SH3RF3: variants seen among roughly 807,000 people sequenced by gnomAD.
The protein encoded by SH3RF3 is E3 ubiquitin-protein ligase SH3RF3.
Under a neutral mutation model 66.3 loss-of-function variants are expected in SH3RF3, and 29 were observed. That is an observed-to-expected ratio of 0.44 (90% CI 0.33 to 0.60). The LOEUF is 0.60. Ranked by LOEUF, SH3RF3 falls within the 20% of genes least tolerant of loss-of-function variation. The probability of loss-of-function intolerance (pLI) is 0.04; values close to 1 mark genes in which losing one functional copy is unlikely to be tolerated. For missense variants in SH3RF3, 1,194 were observed against 1,190.9 expected, an observed-to-expected ratio of 1.00 and a Z score of -0.04; for synonymous variants, 583 against 532.0, an observed-to-expected ratio of 1.10 and a Z score of -1.32.
At chr2:109,211,794 C>T (rs1465442924) in intron 1 of SH3RF3, among the ~76,000 whole-genome samples, 5 of 152,074 alleles carry the variant, frequency 3.3e-5, no homozygotes, top group Admixed American at 3.3e-4. Flanking sequence ...TACAGGCATT[C>T]ACCATGCCCA....
chr2:109,390,760 G>C (rs1364020216), intron 3 of SH3RF3, among the ~76,000 whole-genome samples: 1 of 152,190 alleles, frequency 6.6e-6, no homozygotes, highest in Non-Finnish European at 1.5e-5. Context: ...TTGAGGGCTG[G>C]CTTGTGGGGC....
intron 1 of SH3RF3, among the ~76,000 whole-genome samples, chr2:109,248,577 C>CA (rs1234378717): frequency 6.6e-6 from 1 of 152,194 alleles, no homozygotes; most frequent in African/African-American, 2.4e-5. Context: ...GCAATGCAGA[C>CA]AGAAACCTTG....
chr2:109,468,049 A>T, intron 8 of SH3RF3, among the ~76,000 whole-genome samples: 2 of 152,362 alleles, frequency 1.3e-5, no homozygotes, highest in South Asian at 4.1e-4. Context: ...GCCCACAAAG[A>T]TTCCCACAAC....
chr2:109,134,724 A>G (rs1287191590), intron 1 of SH3RF3, among the ~76,000 whole-genome samples: 5 of 152,254 alleles, frequency 3.3e-5, no homozygotes, highest in Middle Eastern at 3.4e-3. Context: ...CTCTTACTCT[A>G]CCACAGGCTC....
At chr2:109,380,411 G>A (rs189903703) in intron 3 of SH3RF3, among the ~76,000 whole-genome samples, 3 of 152,280 alleles carry the variant, frequency 2.0e-5, no homozygotes, top group African/African-American at 7.2e-5. Context: ...TAGCTACCCT[G>A]TGCACCTGTG....
chr2:109,311,622 C>T (rs901923857), intron 1 of SH3RF3, among the ~76,000 whole-genome samples: 1 of 152,184 alleles, frequency 6.6e-6, no homozygotes, highest in Admixed American at 6.5e-5. Context: ...AAAGCAATGG[C>T]CCTTGATGGC....
intron 6 of SH3RF3, among the ~76,000 whole-genome samples, chr2:109,435,386 T>TA (rs1553520596): frequency 6.6e-6 from 1 of 152,232 alleles, no homozygotes; most frequent in Non-Finnish European, 1.5e-5. Flanking sequence ...GCAGAAGGCT[T>TA]ATCTGGCAGT....
chr2:109,387,311 G>A (rs1369382476), intron 3 of SH3RF3, among the ~76,000 whole-genome samples: 2 of 152,324 alleles, frequency 1.3e-5, no homozygotes, highest in African/African-American at 4.8e-5. Context: ...GGGGGATCCT[G>A]TTGTGTCCCT....
chr2:109,204,614 C>T (rs1354315207), intron 1 of SH3RF3, among the ~76,000 whole-genome samples: 1 of 152,226 alleles, frequency 6.6e-6, no homozygotes, highest in Non-Finnish European at 1.5e-5. Flanking sequence ...GCAGCGCCAC[C>T]TACTCCACCA....
intron 8 of SH3RF3, among the ~76,000 whole-genome samples, chr2:109,464,166 T>TA: frequency 6.6e-6 from 1 of 152,300 alleles, no homozygotes; most frequent in Non-Finnish European, 1.5e-5. Flanking sequence ...GCTCACCACT[T>TA]AATGAGGGGG....
At chr2:109,441,253 A>G (rs934030047) in intron 7 of SH3RF3, among the ~76,000 whole-genome samples, 13 of 152,332 alleles carry the variant, frequency 8.5e-5, no homozygotes, top group East Asian at 5.8e-4. Flanking sequence ...GGATCAGTCA[A>G]TCAATCAAAA....
chr2:109,270,144 C>T (rs891162133), intron 1 of SH3RF3, among the ~76,000 whole-genome samples: 4 of 152,230 alleles, frequency 2.6e-5, no homozygotes, highest in African/African-American at 4.8e-5. Flanking sequence ...TCTCAGCCCC[C>T]ACCTGGGGGT....
intron 1 of SH3RF3, among the ~76,000 whole-genome samples, chr2:109,170,284 CTTCTCT>C (rs1677740780): frequency 7.8e-6 from 1 of 128,300 alleles, no homozygotes; most frequent in East Asian, 3.4e-4. Flanking sequence ...CTTCTCTTCT[CTTCTCT>C]TCTCTTCTCT....
chr2:109,287,375 T>C (rs1252567832), intron 1 of SH3RF3, among the ~76,000 whole-genome samples: 1 of 152,176 alleles, frequency 6.6e-6, no homozygotes, highest in Non-Finnish European at 1.5e-5. Flanking sequence ...ACCACAGCTA[T>C]AAATAAATTG....
At chr2:109,461,192 G>A (rs970639849) in intron 8 of SH3RF3, among the ~76,000 whole-genome samples, 29 of 152,344 alleles carry the variant, frequency 1.9e-4, no homozygotes, top group Non-Finnish European at 3.1e-4. Context: ...TGCTGTGCAC[G>A]CCCAGCTTTA....
intron 5 of SH3RF3, among the ~76,000 whole-genome samples, chr2:109,423,168 G>A (rs922683811): frequency 2.6e-5 from 4 of 152,102 alleles, no homozygotes; most frequent in Non-Finnish European, 5.9e-5. Flanking sequence ...GTCCTATCCA[G>A]GAGCCCAGAG....
intron 9 of SH3RF3, among the ~76,000 whole-genome samples, chr2:109,501,024 G>A (rs72949175): frequency 0.037 from 5,673 of 152,312 alleles, 353 homozygotes; most frequent in African/African-American, 0.13. Flanking sequence ...CAACCTGTGA[G>A]GTGGTGCTGC....
intron 4 of SH3RF3, among the ~76,000 whole-genome samples, chr2:109,400,056 A>G (rs1676264450): frequency 6.6e-6 from 1 of 152,242 alleles, no homozygotes; most frequent in Admixed American, 6.5e-5. Flanking sequence ...GGCAGACACC[A>G]ATAAGCAACT....
chr2:109,159,188 GT>G (rs1231602637), intron 1 of SH3RF3, among the ~76,000 whole-genome samples: 9 of 152,354 alleles, frequency 5.9e-5, no homozygotes, highest in African/African-American at 2.2e-4. Flanking sequence ...ACAGAGCAGG[GT>G]CTGAGCCGTG....
Sources: gnomAD v4.1 joint callset for allele counts (sites outside exome capture counted in the v4.1 genomes callset) on GRCh38, gnomAD v4.1.1 for gene constraint, MANE v1.5 for transcripts, NCBI Gene and HGNC (gene_info 2026-07-23, HGNC 2026-07-21) for gene names.